SCARB1: variants seen among roughly 807,000 people sequenced by gnomAD.
SCARB1 encodes the protein scavenger receptor class B member 1.
A neutral mutation model predicts 57.2 loss-of-function variants in SCARB1; 30 were observed. That is an observed-to-expected ratio of 0.52 (90% confidence interval 0.39 to 0.71). The LOEUF (loss-of-function observed/expected upper bound fraction) is 0.71. SCARB1 is among the 30% of genes least tolerant of loss of function. SCARB1 has a pLI of 0.00. For missense variants in SCARB1, 543 were observed against 671.2 expected (o/e 0.81, Z 2.11); for synonymous variants, 249 against 268.3 (o/e 0.93, Z 0.70).
At position 124,812,693 on chromosome 12, in the gene SCARB1, T is replaced by C. The variant is rs905616575; in HGVS notation, c.631-728A>G. ...AAGTGGTATGAGTGACTGAAGGAAA[T>C]ATCTAGAAGTGCTTTGCAGGGTGGA... is the stretch of plus-strand genomic sequence containing the variant. On this transcript the variant is annotated intron_variant, in intron 4 of 12. Coordinates refer to ENST00000261693, the MANE Select transcript of SCARB1 (RefSeq NM_005505.5). This position sits in a 1 kb window ranked among gnomAD's most constrained non-coding sequence, Gnocchi z 4.3. 2.0e-5 allele frequency among the ~76,000 whole-genome samples: 3 copies of C among 152,042 alleles called. No homozygotes were observed. Among genetic ancestry groups the C allele is most frequent in the African/African-American group, 7.3e-5 (3 of 41,374 alleles).
chr12:124,790,009 C>CAAAAAAA (rs61031862), intron 9 of SCARB1, among the ~76,000 whole-genome samples: 12 of 106,122 alleles, frequency 1.1e-4, no homozygotes, highest in African/African-American at 3.0e-4. Flanking sequence ...GACTCCGTCT[C>CAAAAAAA]AAAAAAAAAA....
At position 124,785,715 on chromosome 12, in the gene SCARB1, C is replaced by T. The variant is rs1377823389; in HGVS notation, c.1401+642G>A. The stretch of plus-strand genomic sequence containing the variant: ...AAAAACACTGCAAAAATATTGATGC[C>T]GTTTATACTGATTACATGTTGAAGT... On this transcript the variant is annotated intron_variant, in intron 11 of 12. Transcript: ENST00000261693. 2.4e-5 allele frequency: 6 copies of T among 249,910 alleles called. 1 individual carries two copies. Among genetic ancestry groups the T allele is most frequent in the South Asian group, 2.2e-4 (3 of 13,782 alleles). The allele number at this position is 249,910 out of a possible 1,614,324, so 15.5% of individuals were successfully genotyped here. A position where few individuals can be genotyped will look rare whatever the true frequency, so the allele number is the denominator to read the frequency against.
chr12:124,825,889 C>T (rs893967348), intron 1 of SCARB1, among the ~76,000 whole-genome samples: 7 of 152,026 alleles, frequency 4.6e-5, no homozygotes, highest in Non-Finnish European at 1.0e-4. Flanking sequence ...ATGGTGCTTA[C>T]GGGGCGGAGG....
chr12:124,802,984 G>A (rs1350332350), intron 7 of SCARB1, among the ~76,000 whole-genome samples: 1 of 152,222 alleles, frequency 6.6e-6, no homozygotes, highest in Non-Finnish European at 1.5e-5. Flanking sequence ...TAGGAGCAAT[G>A]GAAGGAGAAG....
intron 1 of SCARB1, among the ~76,000 whole-genome samples, chr12:124,818,209 C>T (rs551178620): frequency 1.3e-5 from 2 of 152,240 alleles, no homozygotes; most frequent in South Asian, 2.1e-4. Flanking sequence ...TTTACCATAG[C>T]GGAGGAAAGG....
chr12:124,793,630 T>C (rs544455053), intron 9 of SCARB1, among the ~76,000 whole-genome samples: 1 of 148,818 alleles, frequency 6.7e-6, no homozygotes, highest in South Asian at 2.1e-4. Flanking sequence ...GAGGCGGAGC[T>C]TGCAGTGAGC....
intron 1 of SCARB1, among the ~76,000 whole-genome samples, chr12:124,844,515 G>A (rs541548488): frequency 1.3e-5 from 2 of 152,334 alleles, no homozygotes; most frequent in African/African-American, 4.8e-5. Flanking sequence ...ATCAGAATGT[G>A]ACTGTATTGG....
At chr12:124,821,038 T>C (rs1328228913) in intron 1 of SCARB1, among the ~76,000 whole-genome samples, 2 of 150,264 alleles carry the variant, frequency 1.3e-5, no homozygotes, top group African/African-American at 4.9e-5. Context: ...AGCACAGGAG[T>C]TCAAGACCAG....
chr12:124,808,068 C>T (rs189722450), intron 6 of SCARB1, 141 bp from the exon 7 acceptor site: 47 of 783,002 alleles, frequency 6.0e-5, no homozygotes, highest in Middle Eastern at 7.0e-4. Context: ...ATCTCTCACC[C>T]GCGGAGCTGC....
chr12:124,804,026 G>GT (rs1950238797), intron 7 of SCARB1, among the ~76,000 whole-genome samples: 1 of 152,190 alleles, frequency 6.6e-6, no homozygotes, highest in Non-Finnish European at 1.5e-5. Context: ...TGGGCATGTC[G>GT]TTTCTCCCCC....
At position 124,814,511 on chromosome 12, in the gene SCARB1, G is replaced by A. The variant is rs1371575588; in HGVS notation, c.427-106C>T. 3 of 1,221,012 alleles carry A rather than the reference G, an allele frequency of 2.5e-6. No individual in the cohort carries two copies. Among genetic ancestry groups the A allele is most frequent in the African/African-American group, 3.0e-5 (2 of 66,992 alleles). The allele number at this position is 1,221,012 out of a possible 1,614,324, so 75.6% of individuals were successfully genotyped here. A position where few individuals can be genotyped will look rare whatever the true frequency, so the allele number is the denominator to read the frequency against. ...AAAGAGCCCATGAAGGGAAATGCTGGGGTGCAGGAGGCCCCTGGAGTGGCC... is the reference window on the plus strand; with the variant it reads ...AAAGAGCCCATGAAGGGAAATGCTGAGGTGCAGGAGGCCCCTGGAGTGGCC... On this transcript the variant is annotated intron_variant, in intron 3 of 12. Coordinates refer to ENST00000261693, the MANE Select transcript of SCARB1 (RefSeq NM_005505.5). This position sits in a 1 kb window ranked among gnomAD's most constrained non-coding sequence, Gnocchi z 4.7.
rs368124370 is a variant in SCARB1 at position 124,814,397 on chromosome 12, C to T, written c.435G>A (p.Ala145=). 54 of 1,613,320 alleles carry T rather than the reference C, an allele frequency of 3.3e-5. No homozygotes were observed. The highest frequency in any genetic ancestry group is 3.6e-4 in the Middle Eastern group (2 of 5,494). ...VMPNILVLGA[A]VMMENKPMTL... ...TCATGGGCTTATTCTCCATCATCACCGCCGCACCCTGCAAGGCGAAGGGAC... is the reference window on the plus strand; with the variant it reads ...TCATGGGCTTATTCTCCATCATCACTGCCGCACCCTGCAAGGCGAAGGGAC... The change falls in exon 4 of 13, where the codon GCG becomes GCA. Residue 145 remains alanine (A), a synonymous_variant. Coordinates refer to ENST00000261693, the MANE Select transcript of SCARB1 (RefSeq NM_005505.5). The surrounding 1 kb of genome is among the most constrained non-coding windows in gnomAD (Gnocchi z 4.7).
At chr12:124,780,383 C>A (rs929113035) in intron 12 of SCARB1, among the ~76,000 whole-genome samples, 1 of 152,206 alleles carries the variant, frequency 6.6e-6, no homozygotes, top group African/African-American at 2.4e-5. Context: ...CTGTTTTCCC[C>A]CCTTCTCCCA....
At chr12:124,837,204 C>T (rs1471809787) in intron 1 of SCARB1, among the ~76,000 whole-genome samples, 2 of 152,292 alleles carry the variant, frequency 1.3e-5, no homozygotes, top group African/African-American at 4.8e-5. Flanking sequence ...GATCCCAGCC[C>T]CACTGTTTCC....
In SCARB1 at chr12:124,786,498, C is replaced by T; in HGVS notation, c.1260G>A (p.Gly420=). The T allele has an allele frequency of 1.9e-6, 3 of 1,614,040 alleles. No homozygotes were observed. The highest frequency in any genetic ancestry group is 1.3e-5 in the African/African-American group (1 of 75,062). ...VLPLLWFAES[G]AMEGETLHTF... is the part of the protein sequence containing the mutation. ...TGTGAAGAGTCTCCCCCTCCATGGC[C>T]CCGCTCTGAGGAGACAGAATGACAA... Residue 420 remains glycine (G), a synonymous_variant, in exon 11 of 13, where the codon GGG becomes GGA. Coordinates refer to ENST00000261693, the MANE Select transcript of SCARB1 (RefSeq NM_005505.5).
Position 124,777,095 on chromosome 12 carries a change from TTAAA to T in SCARB1, c.*1488_*1491del, listed in dbSNP as rs1365897286. 6.6e-6 allele frequency: 1 copy of T among 152,198 alleles called. No individual in the cohort carries two copies. The highest frequency in any genetic ancestry group is 1.5e-5 in the Non-Finnish European group (1 of 68,034). The allele number at this position is 152,198 out of a possible 1,614,324, so 9.4% of individuals were successfully genotyped here. On this transcript the variant is annotated 3_prime_UTR_variant, in exon 13 of 13. Coordinates refer to ENST00000261693, the MANE Select transcript of SCARB1 (RefSeq NM_005505.5). Reference sequence around the variant, plus strand: ...CCTAGTTAGATCCCAGCGGGCACACTTAAATACTGATGAAATGGTCTCATATTCA... The same window carrying T: ...CCTAGTTAGATCCCAGCGGGCACACTTACTGATGAAATGGTCTCATATTCA...
At chr12:124,818,053 A>T (rs374618195) in intron 1 of SCARB1, among the ~76,000 whole-genome samples, 2 of 152,222 alleles carry the variant, frequency 1.3e-5, no homozygotes, top group African/African-American at 4.8e-5. Flanking sequence ...GGATAGCCTC[A>T]TGCAGGAACA....
At chr12:124,794,135 G>A (rs148235225) in intron 9 of SCARB1, among the ~76,000 whole-genome samples, 4 of 152,340 alleles carry the variant, frequency 2.6e-5, no homozygotes, top group African/African-American at 9.6e-5. Flanking sequence ...GTTGCCTGGG[G>A]CTGAGGGGAC....
intron 9 of SCARB1, among the ~76,000 whole-genome samples, chr12:124,790,156 C>G (rs1178028595): frequency 6.6e-6 from 1 of 152,100 alleles, no homozygotes; most frequent in Admixed American, 6.5e-5. Context: ...GGGAGGATCA[C>G]TTGCACCCTG....
Sources: allele counts gnomAD v4.1 joint callset (sites outside exome capture counted in the v4.1 genomes callset), GRCh38; gene constraint gnomAD v4.1.1; non-coding constraint Gnocchi (gnomAD v3.1); transcripts MANE v1.5; gene names NCBI Gene and HGNC (gene_info 2026-07-23, HGNC 2026-07-21).